The following DLGAP5 variants were observed in gnomAD, a reference collection of about 807,000 sequenced individuals.
DLGAP5 encodes DLG associated protein 5.
A neutral mutation model predicts 99.6 loss-of-function variants in DLGAP5; 90 were observed. The ratio of observed to expected loss-of-function variants is 0.90; its 90% CI spans 0.76 to 1.08. The LOEUF (loss-of-function observed/expected upper bound fraction) is 1.08. Among genes scored for constraint, DLGAP5 ranks in the 50% least tolerant of loss-of-function variants. The probability of loss-of-function intolerance (pLI) is 0.00; values close to 1 mark genes in which losing one functional copy is unlikely to be tolerated. For synonymous variants in DLGAP5, 311 were observed against 321.3 expected (o/e 0.97, Z 0.34); for missense variants, 1,036 against 983.5 (o/e 1.05, Z -0.71).
chr14:55,183,714 A>T lies in DLGAP5; in HGVS notation c.278T>A (p.Met93Lys). 1 of 1,606,958 alleles carries T rather than the reference A, an allele frequency of 6.2e-7. No homozygotes were observed. The highest frequency in any genetic ancestry group is 8.5e-7 in the Non-Finnish European group (1 of 1,177,262). Residue 93 changes from methionine to lysine, a missense_variant, in exon 3 of 19, where the codon ATG becomes AAG. Met to Lys is a moderately conservative substitution (Grantham distance 95). Coordinates refer to ENST00000247191, the MANE Select transcript of DLGAP5 (RefSeq NM_014750.5). ...CTTTTCTTCTTTGTATTTTTGGAGC[A>T]TCTGTTTTCGTTGATCACCTAGAAT... ...KTILGDQRKQ[M>K]LQKYKEEKQL...
chr14:55,157,767 C>A (rs972714206), intron 14 of DLGAP5, among the ~76,000 whole-genome samples: 4 of 152,160 alleles, frequency 2.6e-5, no homozygotes, highest in African/African-American at 9.7e-5. Context: ...GCATAAACTT[C>A]CTTTTATTTT....
At chr14:55,186,014 T>C (rs765493324) in intron 2 of DLGAP5, among the ~76,000 whole-genome samples, 9 of 152,216 alleles carry the variant, frequency 5.9e-5, no homozygotes, top group Non-Finnish European at 1.3e-4. Flanking sequence ...CTCACGCCTG[T>C]ACTCCTAGCA....
intron 15 of DLGAP5, among the ~76,000 whole-genome samples, chr14:55,154,219 G>A (rs80087071): frequency 0.02 from 3,089 of 152,270 alleles, 84 homozygotes; most frequent in African/African-American, 0.07. Flanking sequence ...AACCACCTTG[G>A]GGAGGCATTA....
chr14:55,158,500 TA>T (rs1566495747), intron 14 of DLGAP5, 21 bp downstream of exon 14: 4 of 1,597,022 alleles, frequency 2.5e-6, no homozygotes, highest in South Asian at 2.3e-5. Flanking sequence ...ACAAAAAAAA[TA>T]AAAAATCAAA....
intron 8 of DLGAP5, among the ~76,000 whole-genome samples, chr14:55,176,232 G>T (rs906698550): frequency 6.6e-6 from 1 of 152,178 alleles, no homozygotes; most frequent in South Asian, 2.1e-4. Context: ...AGATTTTGAA[G>T]ATTTCTTAAT....
intron 15 of DLGAP5, 41 bp downstream of exon 15, chr14:55,154,576 T>C (rs1882136709): frequency 6.6e-7 from 1 of 1,503,998 alleles, no homozygotes; most frequent in Admixed American, 1.7e-5. Flanking sequence ...GTATTTAGTA[T>C]CAGCAACTGT....
intron 15 of DLGAP5, 36 bp from the exon 16 acceptor site, chr14:55,152,683 C>T: frequency 6.6e-7 from 1 of 1,522,732 alleles, no homozygotes; most frequent in Non-Finnish European, 8.8e-7. Context: ...CACTCATAAA[C>T]ATATTGTTAT....
At chr14:55,151,612 T>C in intron 17 of DLGAP5, 83 bp downstream of exon 17, 1 of 1,367,592 alleles carries the variant, frequency 7.3e-7, no homozygotes, top group South Asian at 1.4e-5. Flanking sequence ...TAATGTAAAA[T>C]GGACCTTATA....
chr14:55,181,417 CAACA>C, intron 4 of DLGAP5, 120 bp from the exon 5 acceptor site: 2 of 645,802 alleles, frequency 3.1e-6, no homozygotes, highest in Non-Finnish European at 5.0e-6. Context: ...CCAACAACAA[CAACA>C]AAAAACTACC....
chr14:55,165,309 C>T (rs1305245528), intron 12 of DLGAP5, among the ~76,000 whole-genome samples: 1 of 152,086 alleles, frequency 6.6e-6, no homozygotes, highest in Non-Finnish European at 1.5e-5. Context: ...CGCTTGAGCT[C>T]AGGAGTAAGA....
At chr14:55,180,855 T>G (rs983080125) in intron 5 of DLGAP5, 77 bp from the exon 6 acceptor site, 2 of 1,515,326 alleles carry the variant, frequency 1.3e-6, no homozygotes, top group Non-Finnish European at 1.8e-6. Context: ...GGCATGGTAG[T>G]GCAATGCCTG....
chr14:55,175,276 A>G (rs1219728219), intron 10 of DLGAP5, 70 bp downstream of exon 10: 6 of 1,468,402 alleles, frequency 4.1e-6, no homozygotes, highest in Middle Eastern at 1.8e-4. Context: ...AAGGTTAAAA[A>G]TTTTTAGTTT....
intron 11 of DLGAP5, 96 bp downstream of exon 11, chr14:55,170,606 A>G: frequency 8.4e-6 from 9 of 1,076,252 alleles, no homozygotes; most frequent in Non-Finnish European, 1.2e-5. Context: ...TGATAATGAA[A>G]CAATAAAGTT....
chr14:55,188,575 G>A (rs1260470187), intron 2 of DLGAP5, among the ~76,000 whole-genome samples: 3 of 152,016 alleles, frequency 2.0e-5, no homozygotes, highest in Non-Finnish European at 2.9e-5. Flanking sequence ...ATACTCCACA[G>A]GTAAAGGCTT....
At chr14:55,167,669 G>A (rs1463181538) in intron 12 of DLGAP5, among the ~76,000 whole-genome samples, 1 of 152,292 alleles carries the variant, frequency 6.6e-6, no homozygotes, top group East Asian at 1.9e-4. Flanking sequence ...CATGGAAGGA[G>A]GTGAACTTTG....
rs141260005 is a variant in DLGAP5 at position 55,154,714 on chromosome 14, T to A, written c.1966A>T (p.Ile656Phe). 41 of 1,614,008 alleles carry A rather than the reference T, an allele frequency of 2.5e-5. No homozygotes were observed. Among genetic ancestry groups the A allele is most frequent in the Non-Finnish European group, 3.3e-5 (39 of 1,179,982 alleles). Residue 656 changes from isoleucine (I) to phenylalanine (F), a missense_variant, in exon 15 of 19, where the codon ATT becomes TTT. Coordinates refer to ENST00000247191, the MANE Select transcript of DLGAP5 (RefSeq NM_014750.5). ...TCTGGTGATGTAGTTTGTTGTGGAA[T>A]GCCCATCTCATTTCTACTCTGAGAT... Reference protein sequence around the residue: ...AVSQSRNEMGIPQQTTSPENA... With the variant: ...AVSQSRNEMGFPQQTTSPENA...
chr14:55,148,395 C>T lies in DLGAP5; in HGVS notation c.2497G>A (p.Gly833Ser), dbSNP rs1881895878. 3 of 1,613,984 alleles carry T rather than the reference C, an allele frequency of 1.9e-6. No homozygotes were observed. Among genetic ancestry groups the T allele is most frequent in the Non-Finnish European group, 2.5e-6 (3 of 1,179,964 alleles). ...QEHARHISFG[G>S]NLITFSPLQP... ...AGAGGTGAAAAAGTAATCAGGTTAC[C>T]ACCAAAAGAAATGTGTCTGGCATGT... The change falls in exon 19 of 19, where the codon GGT (glycine) becomes AGT (serine). Residue 833 changes from glycine to serine, a missense_variant. Physicochemically the swap from Gly to Ser is moderately conservative, Grantham distance 56. Transcript: ENST00000247191.
intron 12 of DLGAP5, 89 bp from the exon 13 acceptor site, chr14:55,163,164 T>A (rs1882508804): frequency 1.5e-6 from 1 of 664,274 alleles, no homozygotes; most frequent in Non-Finnish European, 2.3e-6. Flanking sequence ...AAATTAAAAA[T>A]AGTGATTCAG....
chr14:55,165,290 A>T (rs1249030338), intron 12 of DLGAP5, among the ~76,000 whole-genome samples: 1 of 152,124 alleles, frequency 6.6e-6, no homozygotes, highest in Non-Finnish European at 1.5e-5. Context: ...GAGGCTGAGA[A>T]GGGTGGATCG....
Sources: allele counts gnomAD v4.1 joint callset (sites outside exome capture counted in the v4.1 genomes callset), GRCh38; gene constraint gnomAD v4.1.1; transcripts MANE v1.5; gene names NCBI Gene and HGNC (gene_info 2026-07-23, HGNC 2026-07-21).